Variants in EOGT observed in about 807,000 individuals in gnomAD.
The protein encoded by EOGT is EGF domain specific O-linked N-acetylglucosamine transferase, also known as EGF domain-specific O-linked N-acetylglucosamine transferase.
EOGT carries 55 observed loss-of-function variants against 70.5 expected under a neutral mutation model. That is an observed-to-expected ratio of 0.78 (90% CI 0.63 to 0.98). The LOEUF (loss-of-function observed/expected upper bound fraction) is 0.98. Among genes scored for constraint, EOGT ranks in the 50% least tolerant of loss-of-function variants. EOGT has a pLI of 0.00. For synonymous variants in EOGT, 246 were observed against 217.1 expected (o/e 1.13, Z -1.17); for missense variants, 703 against 641.9 (o/e 1.10, Z -1.03).
At chr3:68,983,578 A>G (rs2090715038) in intron 14 of EOGT, among the ~76,000 whole-genome samples, 1 of 152,268 alleles carries the variant, frequency 6.6e-6, no homozygotes, top group Non-Finnish European at 1.5e-5. Flanking sequence ...CAACAGCAAC[A>G]TCAACAGTTG....
chr3:68,976,456 T>A lies in EOGT; in HGVS notation c.*1162A>T, dbSNP rs575519522. 6.6e-6 allele frequency: 1 copy of A among 152,332 alleles called. No homozygotes were observed. The highest frequency in any genetic ancestry group is 1.9e-4 in the East Asian group (1 of 5,186). 9.4% of individuals were successfully genotyped at this position (152,332 alleles called of 1,614,324 possible). On this transcript the variant is annotated 3_prime_UTR_variant, in exon 18 of 18. Coordinates refer to ENST00000383701, the MANE Select transcript of EOGT (RefSeq NM_001278689.2). ...TATGCAAGACAGTCCTACAGAATGT[T>A]CTAATTTGCTTTTATCACATGTAGT...
intron 10 of EOGT, among the ~76,000 whole-genome samples, chr3:68,993,772 G>A (rs1424555989): frequency 6.6e-6 from 1 of 152,126 alleles, no homozygotes; most frequent in Non-Finnish European, 1.5e-5. Context: ...TGGCTGGGGA[G>A]GCCTCAGAAT....
chr3:69,004,130 A>G (rs2091375516), intron 8 of EOGT, among the ~76,000 whole-genome samples: 1 of 152,202 alleles, frequency 6.6e-6, no homozygotes, highest in Admixed American at 6.5e-5. Context: ...TGAGTTAATA[A>G]AAATGGATTT....
chr3:68,989,599 T>A (rs1401142027), intron 10 of EOGT, among the ~76,000 whole-genome samples: 5 of 151,610 alleles, frequency 3.3e-5, no homozygotes, highest in Admixed American at 3.3e-4. Context: ...AATACAAAAA[T>A]TAGCCAGGCA....
At chr3:69,002,767 G>A (rs1227277355) in intron 8 of EOGT, among the ~76,000 whole-genome samples, 5 of 151,786 alleles carry the variant, frequency 3.3e-5, no homozygotes, top group East Asian at 3.9e-4. Context: ...CAGTCCTCCC[G>A]CCTCAGCCTC....
chr3:68,984,847 G>A (rs966368443), intron 14 of EOGT, among the ~76,000 whole-genome samples: 5 of 152,138 alleles, frequency 3.3e-5, no homozygotes, highest in African/African-American at 1.2e-4. Flanking sequence ...CCTTCCTGAT[G>A]GACTGGGGCC....
chr3:69,004,201 C>T (rs2091377400), intron 8 of EOGT, among the ~76,000 whole-genome samples, 177 bp downstream of exon 8: 1 of 152,154 alleles, frequency 6.6e-6, no homozygotes, highest in Non-Finnish European at 1.5e-5. Flanking sequence ...ATTATAAACA[C>T]ATACTTAATT....
chr3:69,009,155 C>T (rs2091506729), intron 4 of EOGT, among the ~76,000 whole-genome samples: 1 of 152,132 alleles, frequency 6.6e-6, no homozygotes, highest in Non-Finnish European at 1.5e-5. Context: ...TCTCTGGGGC[C>T]CTGTGAGATG....
At chr3:68,990,931 G>T (rs190936207) in intron 10 of EOGT, among the ~76,000 whole-genome samples, 129 of 146,056 alleles carry the variant, frequency 8.8e-4, no homozygotes, top group African/African-American at 3.0e-3. Flanking sequence ...TTCTTTCCAT[G>T]TTCCTCCAAT....
intron 9 of EOGT, among the ~76,000 whole-genome samples, chr3:68,999,485 C>T (rs1312965887): frequency 7.9e-5 from 12 of 152,124 alleles, no homozygotes; most frequent in African/African-American, 2.9e-4. Flanking sequence ...AAAAGAAAAA[C>T]AGGGACTCTC....
intron 9 of EOGT, among the ~76,000 whole-genome samples, chr3:69,001,123 AT>A (rs1331328420): frequency 2.6e-5 from 4 of 151,872 alleles, no homozygotes; most frequent in Non-Finnish European, 5.9e-5. Flanking sequence ...CGCCCAGCTA[AT>A]TTTTTGTGTT....
rs1335722626 is a variant in EOGT, at chr3:68,976,367, T to A, written c.*1251A>T. The A allele has an allele frequency of 6.6e-6, 1 of 152,178 alleles. No individual in the cohort carries two copies. Among genetic ancestry groups the A allele is most frequent in the Non-Finnish European group, 1.5e-5 (1 of 68,028 alleles). 9.4% of individuals were successfully genotyped at this position (152,178 alleles called of 1,614,324 possible). On this transcript the variant is annotated 3_prime_UTR_variant, in exon 18 of 18. Transcript: ENST00000383701. Reference sequence around the variant, plus strand: ...AAAATGGAAACCATTATTTCATATATAAATTAATTAATCACAAATGCTCTC... The same window carrying A: ...AAAATGGAAACCATTATTTCATATAAAAATTAATTAATCACAAATGCTCTC...
rs975754560 is a variant in EOGT, at chr3:68,975,870, T to G, written c.*1748A>C. The G allele has an allele frequency of 6.6e-6, 1 of 152,232 alleles. No homozygotes were observed. Among genetic ancestry groups the G allele is most frequent in the African/African-American group, 2.4e-5 (1 of 41,472 alleles). The allele number at this position is 152,232 out of a possible 1,614,324, so 9.4% of individuals were successfully genotyped here. A position where few individuals can be genotyped will look rare whatever the true frequency, so the allele number is the denominator to read the frequency against. On this transcript the variant is annotated 3_prime_UTR_variant, in exon 18 of 18. Transcript: ENST00000383701. ...AAAGGTCCAGATATTTTGTTTTGTG[T>G]GTCATTTTTCTGATGGATATTTTTT...
intron 17 of EOGT, among the ~76,000 whole-genome samples, chr3:68,978,127 C>T (rs556467761): frequency 5.9e-5 from 9 of 152,330 alleles, no homozygotes; most frequent in South Asian, 2.1e-4. Context: ...CCAAATTTCA[C>T]GAAGCTGCCT....
At chr3:69,001,761 T>C (rs757267998) in intron 8 of EOGT, 47 bp from the exon 9 acceptor site, 3 of 1,303,794 alleles carry the variant, frequency 2.3e-6, no homozygotes, top group Non-Finnish European at 3.3e-6. Flanking sequence ...TCTCCCAAAC[T>C]TCCTATTAGA....
At chr3:68,989,231 C>T (rs1199808476) in intron 10 of EOGT, among the ~76,000 whole-genome samples, 1 of 152,168 alleles carries the variant, frequency 6.6e-6, no homozygotes, top group Non-Finnish European at 1.5e-5. Context: ...CACAATTATA[C>T]TCTTAGCCAT....
intron 17 of EOGT, 44 bp from the exon 18 acceptor site, chr3:68,977,808 C>A (rs1487146327): frequency 6.4e-7 from 1 of 1,569,868 alleles, no homozygotes; most frequent in East Asian, 2.3e-5. Context: ...TCAATGAGGG[C>A]ATGGTTTTCT....
chr3:68,993,375 C>A (rs1037311110), intron 10 of EOGT, among the ~76,000 whole-genome samples: 2 of 152,186 alleles, frequency 1.3e-5, no homozygotes, highest in Non-Finnish European at 2.9e-5. Flanking sequence ...TAGGGCACGG[C>A]AAAATGCTGC....
chr3:69,011,676 T>C (rs534213304), intron 3 of EOGT, among the ~76,000 whole-genome samples: 1 of 150,624 alleles, frequency 6.6e-6, no homozygotes, highest in African/African-American at 2.4e-5. Context: ...TCCAAGGCCA[T>C]GGAATTCTAA....
Sources: gnomAD v4.1 joint callset for allele counts (sites outside exome capture counted in the v4.1 genomes callset) on GRCh38, gnomAD v4.1.1 for gene constraint, MANE v1.5 for transcripts, NCBI Gene and HGNC (gene_info 2026-07-23, HGNC 2026-07-21) for gene names.